CDH4: variants seen among roughly 807,000 people sequenced by gnomAD.
CDH4 encodes cadherin-4.
CDH4 carries 33 observed loss-of-function variants against 86.0 expected under a neutral mutation model. The ratio of observed to expected loss-of-function variants is 0.38; its 90% CI spans 0.29 to 0.51. The LOEUF is 0.51. Among genes scored for constraint, CDH4 ranks in the 20% least tolerant of loss-of-function variants. The probability of loss-of-function intolerance (pLI) is 0.86; values close to 1 mark genes in which losing one functional copy is unlikely to be tolerated. For missense variants in CDH4, 1,114 were observed against 1,307.4 expected (o/e 0.85, Z 2.28); for synonymous variants, 555 against 549.4 (o/e 1.01, Z -0.14).
At chr20:61,450,400 C>G (rs2085373098) in intron 2 of CDH4, among the ~76,000 whole-genome samples, 1 of 152,172 alleles carries the variant, frequency 6.6e-6, no homozygotes, top group African/African-American at 2.4e-5. Context: ...AACTGTTCTC[C>G]ATGCCTTTTT....
chr20:61,921,241 C>T (rs1204193312), intron 9 of CDH4, among the ~76,000 whole-genome samples: 1 of 142,096 alleles, frequency 7.0e-6, no homozygotes, highest in African/African-American at 2.7e-5. Flanking sequence ...TGCATGGAAG[C>T]ATGGTGTCAC....
intron 2 of CDH4, among the ~76,000 whole-genome samples, chr20:61,585,901 T>A (rs1442458447): frequency 6.6e-6 from 1 of 150,834 alleles, no homozygotes. Flanking sequence ...GTGATGGTGC[T>A]GATTGTGGTG....
chr20:61,432,483 A>G (rs1429566132), intron 2 of CDH4, among the ~76,000 whole-genome samples: 1 of 152,074 alleles, frequency 6.6e-6, no homozygotes, highest in Non-Finnish European at 1.5e-5. Context: ...ATTCAATTGT[A>G]TATCTTCTTC....
At chr20:61,897,348 T>C (rs1178795288) in intron 8 of CDH4, among the ~76,000 whole-genome samples, 1 of 151,726 alleles carries the variant, frequency 6.6e-6, no homozygotes, top group Non-Finnish European at 1.5e-5. Context: ...CCCGAGACTC[T>C]GGGAGGCCAA....
intron 2 of CDH4, among the ~76,000 whole-genome samples, chr20:61,366,996 C>T (rs1404991058): frequency 6.6e-6 from 1 of 152,232 alleles, no homozygotes; most frequent in Non-Finnish European, 1.5e-5. Context: ...ACACAGAACA[C>T]ATTGCAGGCA....
At chr20:61,871,039 ATG>A (rs10590544) in intron 6 of CDH4, among the ~76,000 whole-genome samples, 1,890 of 149,660 alleles carry the variant, frequency 0.013, 17 homozygotes, top group East Asian at 0.038. Context: ...TATTTATAGG[ATG>A]TGTGTGTGTG....
At chr20:61,337,512 G>A (rs143062484) in intron 2 of CDH4, among the ~76,000 whole-genome samples, 8 of 151,934 alleles carry the variant, frequency 5.3e-5, no homozygotes, top group African/African-American at 1.9e-4. Flanking sequence ...AACGGATGAT[G>A]ATGAAAGGGA....
chr20:61,577,234 G>A (rs543150037), intron 2 of CDH4, among the ~76,000 whole-genome samples: 2 of 151,570 alleles, frequency 1.3e-5, no homozygotes, highest in Admixed American at 1.3e-4. Flanking sequence ...GAGTGGATAT[G>A]TATTGAAGGT....
intron 2 of CDH4, among the ~76,000 whole-genome samples, chr20:61,650,138 A>G (rs143506193): frequency 2.8e-4 from 43 of 152,300 alleles, no homozygotes; most frequent in African/African-American, 9.9e-4. Context: ...CGGCCCATCA[A>G]TATTCTTATA....
intron 2 of CDH4, among the ~76,000 whole-genome samples, chr20:61,616,516 C>T (rs763393778): frequency 5.3e-5 from 8 of 152,148 alleles, no homozygotes; most frequent in Non-Finnish European, 1.2e-4. Flanking sequence ...GGATGCCAGG[C>T]AGGTTAGTGG....
At chr20:61,499,326 C>T in intron 2 of CDH4, 1 of 570,238 alleles carries the variant, frequency 1.8e-6, no homozygotes, top group South Asian at 1.7e-5. Flanking sequence ...CTTTCATCCC[C>T]TATGCCTCAG....
chr20:61,592,359 G>C (rs1327390525), intron 2 of CDH4, among the ~76,000 whole-genome samples: 1 of 152,182 alleles, frequency 6.6e-6, no homozygotes, highest in Non-Finnish European at 1.5e-5. Context: ...GCACTGCTCA[G>C]GGCCCTGCAG....
Position 61,894,879 on chromosome 20 carries a change from T to G in CDH4, c.1051-31T>G, listed in dbSNP as rs548891820. ...TCAATTAAAACCCAAACTGATTTTC[T>G]GTTCTTTCTCAACTGGTGTCTCCCT... On this transcript the variant is annotated intron_variant, in intron 7 of 15. Coordinates refer to ENST00000614565, the MANE Select transcript of CDH4 (RefSeq NM_001794.5). The G allele has an allele frequency of 4.4e-6, 7 of 1,592,598 alleles. No individual in the cohort carries two copies. In the South Asian group the frequency reaches 7.9e-5, roughly 18 times the overall value.
At position 61,663,268 on chromosome 20, in the gene CDH4, C is replaced by T. The variant is rs559575853; in HGVS notation, c.170-80295C>T. On this transcript the variant is annotated intron_variant, in intron 2 of 15. Transcript: ENST00000614565. The surrounding 1 kb of genome is among the most constrained non-coding windows in gnomAD (Gnocchi z 5.0). ...GCTTTCATCGAGGGCTTGGCGCCCA[C>T]GACAAATGAGTCCACGCAGGAAAGG... Among the ~76,000 whole-genome samples, 7 of 152,292 alleles carry T rather than the reference C, an allele frequency of 4.6e-5. No homozygotes were observed. The highest frequency in any genetic ancestry group is 2.0e-4 in the Admixed American group (3 of 15,310).
intron 2 of CDH4, among the ~76,000 whole-genome samples, chr20:61,467,830 C>G (rs1351487260): frequency 1.3e-5 from 2 of 152,152 alleles, no homozygotes; most frequent in Admixed American, 1.3e-4. Flanking sequence ...CCCAAACCAC[C>G]CTTGGATTCG....
intron 2 of CDH4, among the ~76,000 whole-genome samples, chr20:61,624,916 T>C (rs951703461): frequency 3.3e-5 from 5 of 152,152 alleles, no homozygotes; most frequent in African/African-American, 7.2e-5. Context: ...ACCTGCAGCA[T>C]AGGAGGCCAG....
At chr20:61,788,643 C>G (rs191054631) in intron 4 of CDH4, among the ~76,000 whole-genome samples, 8 of 152,196 alleles carry the variant, frequency 5.3e-5, no homozygotes, top group African/African-American at 1.9e-4. Flanking sequence ...GAGGCCTGAC[C>G]ATGTTTCCGA....
intron 2 of CDH4, among the ~76,000 whole-genome samples, chr20:61,635,391 CT>C (rs1170670800): frequency 1.3e-5 from 2 of 152,228 alleles, no homozygotes; most frequent in Non-Finnish European, 1.5e-5. Context: ...GTCACCGCCC[CT>C]GGGAGAATGG....
rs1256071897 is a variant in CDH4 at position 61,565,218 on chromosome 20, TGGTA to T, written c.170-178341_170-178338del. ...TTGGTGGTGGTCGCGGTGCTCTCGG[TGGTA>T]GGTGGTGGTGGTGGTGGTGGCGGTG... On this transcript the variant is annotated intron_variant, in intron 2 of 15. Transcript: ENST00000614565. Among the ~76,000 whole-genome samples, 11 of 22,000 alleles carry T rather than the reference TGGTA, an allele frequency of 5.0e-4. 2 individuals carry two copies. The highest frequency in any genetic ancestry group is 1.7e-3 in the South Asian group (1 of 592). 14.4% of individuals were successfully genotyped at this position (22,000 alleles called of 152,430 possible).
Sources: allele counts gnomAD v4.1 joint callset (sites outside exome capture counted in the v4.1 genomes callset), GRCh38; gene constraint gnomAD v4.1.1; non-coding constraint Gnocchi (gnomAD v3.1); transcripts MANE v1.5; gene names NCBI Gene and HGNC (gene_info 2026-07-23, HGNC 2026-07-21).